The following RAB3GAP2 variants were observed in gnomAD, a reference collection of about 807,000 sequenced individuals.
RAB3GAP2 encodes the protein RAB3 GTPase activating non-catalytic protein subunit 2, also known as rab3 GTPase-activating protein non-catalytic subunit.
A neutral mutation model predicts 185.3 loss-of-function variants in RAB3GAP2; 87 were observed. The observed-to-expected ratio is 0.47, with a 90% CI of 0.39 to 0.56. The LOEUF is 0.56. RAB3GAP2 is among the 20% of genes least tolerant of loss of function. The probability of loss-of-function intolerance (pLI) is 0.00; values close to 1 mark genes in which losing one functional copy is unlikely to be tolerated. For missense variants in RAB3GAP2, 1,492 were observed against 1,638.2 expected, an observed-to-expected ratio of 0.91 and a Z score of 1.54; for synonymous variants, 554 against 576.1, an observed-to-expected ratio of 0.96 and a Z score of 0.55.
chr1:220,155,068 C>G (rs530451301), intron 31 of RAB3GAP2, among the ~76,000 whole-genome samples: 1 of 152,116 alleles, frequency 6.6e-6, no homozygotes, highest in African/African-American at 2.4e-5. Context: ...TTAAAAACAC[C>G]TTATTTAAAA....
chr1:220,199,583 T>A (rs1205831055), intron 9 of RAB3GAP2, among the ~76,000 whole-genome samples: 1 of 152,134 alleles, frequency 6.6e-6, no homozygotes, highest in African/African-American at 2.4e-5. Flanking sequence ...AACTTCTGAC[T>A]CTCATGTCCA....
intron 1 of RAB3GAP2, chr1:220,266,437 G>C: frequency 2.1e-6 from 1 of 467,942 alleles, no homozygotes; most frequent in South Asian, 2.1e-5. Context: ...CAGACTGATG[G>C]GGTGGCTGCA....
At chr1:220,257,526 AT>A (rs1660054255) in intron 1 of RAB3GAP2, among the ~76,000 whole-genome samples, 1 of 152,230 alleles carries the variant, frequency 6.6e-6, no homozygotes, top group South Asian at 2.1e-4. Flanking sequence ...TTTGAATCTA[AT>A]GAGAACAAAG....
chr1:220,153,832 A>G (rs1657807709), intron 32 of RAB3GAP2, 136 bp downstream of exon 32: 3 of 1,210,894 alleles, frequency 2.5e-6, no homozygotes, highest in East Asian at 2.8e-5. Flanking sequence ...ACTCCCACCT[A>G]TGAGTGAGAA....
At chr1:220,193,219 C>A (rs1396520179) in intron 13 of RAB3GAP2, 21 bp downstream of exon 13, 1 of 1,613,472 alleles carries the variant, frequency 6.2e-7, no homozygotes, top group Non-Finnish European at 8.5e-7. Flanking sequence ...AATTGTTTTT[C>A]TGGATTTTTG....
At chr1:220,157,764 T>G in intron 30 of RAB3GAP2, 38 bp downstream of exon 30, 1 of 1,494,544 alleles carries the variant, frequency 6.7e-7, no homozygotes, top group Non-Finnish European at 9.3e-7. Flanking sequence ...ATGTAATATC[T>G]TAGGAGCAGT....
chr1:220,192,678 A>G (rs1296352383), intron 13 of RAB3GAP2, among the ~76,000 whole-genome samples: 1 of 152,208 alleles, frequency 6.6e-6, no homozygotes, highest in Non-Finnish European at 1.5e-5. Flanking sequence ...TGCAGATAAG[A>G]GGGCTGTCTA....
chr1:220,186,808 C>G (rs1241022657), intron 17 of RAB3GAP2, among the ~76,000 whole-genome samples: 1 of 152,048 alleles, frequency 6.6e-6, no homozygotes, highest in Non-Finnish European at 1.5e-5. Flanking sequence ...ATGCTGGTTT[C>G]CCAATTTTGT....
chr1:220,212,772 T>A, intron 4 of RAB3GAP2, 115 bp downstream of exon 4: 1 of 883,698 alleles, frequency 1.1e-6, no homozygotes, highest in South Asian at 1.4e-5. Context: ...GGATTACAGA[T>A]GTGAACCACT....
chr1:220,253,027 C>T (rs1196982797), intron 1 of RAB3GAP2, among the ~76,000 whole-genome samples: 4 of 152,120 alleles, frequency 2.6e-5, no homozygotes, highest in African/African-American at 2.4e-5. Context: ...TTCCCAGGGG[C>T]GGAGGGGTGG....
At chr1:220,184,810 C>A (rs1658479476) in intron 18 of RAB3GAP2, among the ~76,000 whole-genome samples, 1 of 151,758 alleles carries the variant, frequency 6.6e-6, no homozygotes, top group Non-Finnish European at 1.5e-5. Context: ...TGTAAGTATA[C>A]CACGCTTTTT....
At chr1:220,252,087 T>C (rs530852128) in intron 1 of RAB3GAP2, among the ~76,000 whole-genome samples, 1 of 136,866 alleles carries the variant, frequency 7.3e-6, no homozygotes, top group South Asian at 2.2e-4. Context: ...GCCCAGATGG[T>C]GGAGGCAGCA....
intron 11 of RAB3GAP2, 21 bp from the exon 12 acceptor site, chr1:220,195,188 G>A: frequency 1.2e-6 from 2 of 1,613,286 alleles, no homozygotes; most frequent in Non-Finnish European, 1.7e-6. Flanking sequence ...AGAAAACTTA[G>A]AATATAAAAC....
At chr1:220,240,179 C>A (rs1659664757) in intron 1 of RAB3GAP2, among the ~76,000 whole-genome samples, 1 of 152,122 alleles carries the variant, frequency 6.6e-6, no homozygotes. Flanking sequence ...TTTCATGCTA[C>A]GATTCACATC....
chr1:220,227,723 G>A (rs920088053), intron 2 of RAB3GAP2, among the ~76,000 whole-genome samples: 8 of 152,194 alleles, frequency 5.3e-5, no homozygotes, highest in African/African-American at 1.9e-4. Context: ...AATGGCAACT[G>A]GTGGAGAATC....
intron 2 of RAB3GAP2, among the ~76,000 whole-genome samples, chr1:220,217,581 G>A (rs1030077652): frequency 2.0e-5 from 3 of 151,774 alleles, no homozygotes; most frequent in East Asian, 1.9e-4. Flanking sequence ...TAGATGAGAC[G>A]CCCTCTGTTG....
rs769114540 is a variant in RAB3GAP2 at position 220,211,004 on chromosome 1, T to C, written c.387-2A>G. 2 of 1,613,052 alleles carry C rather than the reference T, an allele frequency of 1.2e-6. No individual in the cohort carries two copies. The highest frequency in any genetic ancestry group is 1.7e-6 in the Non-Finnish European group (2 of 1,179,696). ...CATAGAGCACTGGTTACACATTCCC[T>C]AAAAACAAAAACAAAATCATATGCT... On this transcript the variant is annotated splice_acceptor_variant, in intron 4 of 34. Transcript: ENST00000358951. LOFTEE classifies it high-confidence loss of function.
At chr1:220,267,419 C>T (rs1660248561) in intron 1 of RAB3GAP2, 1 of 1,339,302 alleles carries the variant, frequency 7.5e-7, no homozygotes. Flanking sequence ...TCCAGCTGAG[C>T]TTTAAATAAC....
chr1:220,148,972 A>G lies in RAB3GAP2; in HGVS notation c.*2279T>C, dbSNP rs1657687132. ...AAGAAAGTTGTGTGAGGGTGGGCAT[A>G]TATCTAGGAAAACACTACTGGTTAC... On this transcript the variant is annotated 3_prime_UTR_variant, in exon 35 of 35. Coordinates refer to ENST00000358951, the MANE Select transcript of RAB3GAP2 (RefSeq NM_012414.4). The G allele has an allele frequency of 6.6e-6, 1 of 152,202 alleles. No individual in the cohort carries two copies. The highest frequency in any genetic ancestry group is 1.5e-5 in the Non-Finnish European group (1 of 68,024). The allele number at this position is 152,202 out of a possible 1,614,324, so 9.4% of individuals were successfully genotyped here. A position where few individuals can be genotyped will look rare whatever the true frequency, so the allele number is the denominator to read the frequency against.
Sources: gnomAD v4.1 joint callset for allele counts (sites outside exome capture counted in the v4.1 genomes callset) on GRCh38, gnomAD v4.1.1 for gene constraint, MANE v1.5 for transcripts, NCBI Gene and HGNC (gene_info 2026-07-23, HGNC 2026-07-21) for gene names.